The following WWOX variants were observed in gnomAD, a reference collection of about 807,000 sequenced individuals.
The protein encoded by WWOX is WW domain-containing oxidoreductase.
WWOX carries 69 observed loss-of-function variants against 46.2 expected under a neutral mutation model. The ratio of observed to expected loss-of-function variants is 1.49; its 90% CI spans 1.23 to 1.82. WWOX has a LOEUF of 1.82. Among genes scored for constraint, WWOX ranks in the 40% most tolerant of loss-of-function variants. The pLI, the probability that WWOX is intolerant of heterozygous loss-of-function variation, is 0.00. For missense variants in WWOX, 919 were observed against 542.6 expected (o/e 1.69, Z -6.89); for synonymous variants, 359 against 202.6 (o/e 1.77, Z -6.56).
At chr16:79,055,100 C>G (rs1040840023) in intron 8 of WWOX, among the ~76,000 whole-genome samples, 3 of 152,104 alleles carry the variant, frequency 2.0e-5, no homozygotes, top group Non-Finnish European at 4.4e-5. Flanking sequence ...GAATATAAAA[C>G]TAAATAATCC....
intron 8 of WWOX, among the ~76,000 whole-genome samples, chr16:79,070,305 TG>T (rs1597345845): frequency 2.0e-5 from 3 of 151,398 alleles, no homozygotes; most frequent in East Asian, 3.9e-4. Flanking sequence ...TGTGTGTGTG[TG>T]TTTTCCAGAA....
chr16:78,230,103 C>G (rs1353219398), intron 5 of WWOX, among the ~76,000 whole-genome samples: 1 of 152,132 alleles, frequency 6.6e-6, no homozygotes, highest in African/African-American at 2.4e-5. Flanking sequence ...TGGTCTCGAT[C>G]TCCTGGGCTC....
intron 8 of WWOX, among the ~76,000 whole-genome samples, chr16:79,130,708 C>T (rs994085461): frequency 2.0e-5 from 3 of 152,238 alleles, no homozygotes; most frequent in Admixed American, 6.5e-5. Flanking sequence ...TGAAGTGCTG[C>T]GGTACTGGCG....
chr16:78,739,743 G>A (rs982525088), intron 8 of WWOX, among the ~76,000 whole-genome samples: 2 of 152,076 alleles, frequency 1.3e-5, no homozygotes, highest in African/African-American at 2.4e-5. Flanking sequence ...CCCAGGAGGC[G>A]GAGGTTGCAG....
intron 8 of WWOX, among the ~76,000 whole-genome samples, chr16:78,581,624 C>G (rs2045056419): frequency 1.3e-5 from 2 of 152,114 alleles, no homozygotes. Flanking sequence ...GAATCAAAGT[C>G]TCTTTCCCGT....
intron 8 of WWOX, among the ~76,000 whole-genome samples, chr16:79,185,323 C>T (rs2050992047): frequency 1.3e-5 from 2 of 152,180 alleles, no homozygotes; most frequent in South Asian, 4.1e-4. Context: ...TTCAACCCAT[C>T]CTCCGCTTTG....
At chr16:79,087,975 C>A (rs2048884431) in intron 8 of WWOX, among the ~76,000 whole-genome samples, 1 of 152,150 alleles carries the variant, frequency 6.6e-6, no homozygotes, top group Non-Finnish European at 1.5e-5. Context: ...ACTACCATCT[C>A]CTTGGCTTCT....
At chr16:78,710,836 C>T (rs768172499) in intron 8 of WWOX, among the ~76,000 whole-genome samples, 2 of 151,848 alleles carry the variant, frequency 1.3e-5, no homozygotes, top group Non-Finnish European at 2.9e-5. Flanking sequence ...AGGCTGATCT[C>T]AAACTCCTGA....
At chr16:78,634,705 TAA>T (rs60805816) in intron 8 of WWOX, among the ~76,000 whole-genome samples, 3,007 of 133,332 alleles carry the variant, frequency 0.023, 94 homozygotes, top group African/African-American at 0.076. Context: ...GACTCTGTGT[TAA>T]AAAAAAAAAA....
chr16:78,159,980 C>G (rs2034737408), intron 4 of WWOX, among the ~76,000 whole-genome samples: 2 of 151,960 alleles, frequency 1.3e-5, no homozygotes, highest in South Asian at 4.2e-4. Context: ...CTTGCTAGCC[C>G]TTTATCAATT....
chr16:78,434,721 C>T (rs369459464), intron 8 of WWOX, among the ~76,000 whole-genome samples: 46 of 152,152 alleles, frequency 3.0e-4, no homozygotes, highest in Non-Finnish European at 4.1e-4. Context: ...ATCAGAGGAA[C>T]GGGATGGGAA....
rs957621240 is a variant in WWOX, at chr16:78,347,087, A to G, written c.517-39773A>G. 3.7e-4 allele frequency among the ~76,000 whole-genome samples: 44 copies of G among 118,506 alleles called. 12 individuals are homozygous for G. The highest frequency in any genetic ancestry group is 1.6e-4 in the Non-Finnish European group (8 of 49,934). 77.7% of individuals were successfully genotyped at this position (118,506 alleles called of 152,430 possible). The stretch of plus-strand genomic sequence containing the variant: ...TAATAGGTTTATTGAGATATAATTC[A>G]TATACCACACAGTTTCATTTTTAGT... On this transcript the variant is annotated intron_variant, in intron 5 of 8. Coordinates refer to ENST00000566780, the MANE Select transcript of WWOX (RefSeq NM_016373.4).
chr16:78,349,770 G>C (rs575161153), intron 5 of WWOX, among the ~76,000 whole-genome samples: 1 of 121,022 alleles, frequency 8.3e-6, no homozygotes, highest in African/African-American at 2.8e-5. Context: ...AATGCCTTGC[G>C]GTGACAAATT....
At chr16:78,445,694 C>A (rs1045001467) in intron 8 of WWOX, among the ~76,000 whole-genome samples, 1 of 152,150 alleles carries the variant, frequency 6.6e-6, no homozygotes, top group South Asian at 2.1e-4. Flanking sequence ...CTAGCTAACA[C>A]GGTGAAACCC....
chr16:78,246,758 A>G (rs574625671), intron 5 of WWOX, among the ~76,000 whole-genome samples: 1 of 152,306 alleles, frequency 6.6e-6, no homozygotes, highest in South Asian at 2.1e-4. Context: ...CCGTTCTTTT[A>G]ACCTTGTTCA....
chr16:78,602,738 A>G lies in WWOX; in HGVS notation c.1056+169986A>G, dbSNP rs564601252. 6.6e-5 allele frequency among the ~76,000 whole-genome samples: 10 copies of G among 152,342 alleles called. No homozygotes were observed. In the East Asian group the frequency reaches 1.9e-3, roughly 29 times the overall value. ...TTTTCTTTAACGATCCATTTACTGTATGCTGGGCACTGCACAAAATGGTTT... is the reference window on the plus strand; with the variant it reads ...TTTTCTTTAACGATCCATTTACTGTGTGCTGGGCACTGCACAAAATGGTTT... On this transcript the variant is annotated intron_variant, in intron 8 of 8. Coordinates refer to ENST00000566780, the MANE Select transcript of WWOX (RefSeq NM_016373.4).
intron 8 of WWOX, among the ~76,000 whole-genome samples, chr16:78,609,766 T>A (rs2045854133): frequency 6.6e-6 from 1 of 152,222 alleles, no homozygotes. Flanking sequence ...GGGTCCAAAG[T>A]ACAGGAAGCT....
intron 8 of WWOX, among the ~76,000 whole-genome samples, chr16:79,055,861 T>A (rs2048252361): frequency 6.6e-6 from 1 of 152,174 alleles, no homozygotes; most frequent in Admixed American, 6.5e-5. Context: ...GGACTAAGCT[T>A]TGCTCTTTAT....
At chr16:79,015,686 T>A (rs1266779996) in intron 8 of WWOX, among the ~76,000 whole-genome samples, 1 of 152,194 alleles carries the variant, frequency 6.6e-6, no homozygotes, top group Non-Finnish European at 1.5e-5. Flanking sequence ...TTTCTCCTTC[T>A]CTTATTAGTT....
Sources: gnomAD v4.1 joint callset for allele counts (sites outside exome capture counted in the v4.1 genomes callset) on GRCh38, gnomAD v4.1.1 for gene constraint, MANE v1.5 for transcripts, NCBI Gene and HGNC (gene_info 2026-07-23, HGNC 2026-07-21) for gene names.